UBE2D3: variants seen among roughly 807,000 people sequenced by gnomAD.
UBE2D3 encodes the protein ubiquitin conjugating enzyme E2 D3.
UBE2D3 carries 2 observed loss-of-function variants against 22.8 expected under a neutral mutation model. The ratio of observed to expected loss-of-function variants is 0.09; its 90% CI spans 0.04 to 0.28. The LOEUF is 0.28. Among genes scored for constraint, UBE2D3 ranks in the 10% least tolerant of loss-of-function variants. The probability of loss-of-function intolerance (pLI) is 1.00; values close to 1 mark genes in which losing one functional copy is unlikely to be tolerated. For missense variants in UBE2D3, 27 were observed against 182.5 expected, an observed-to-expected ratio of 0.15 and a Z score of 4.91; for synonymous variants, 56 against 60.4, an observed-to-expected ratio of 0.93 and a Z score of 0.34.
intron 1 of UBE2D3, among the ~76,000 whole-genome samples, chr4:102,857,478 T>C (rs1011676671): frequency 6.6e-6 from 1 of 151,966 alleles, no homozygotes; most frequent in African/African-American, 2.4e-5. Context: ...TAATCAAAAA[T>C]AGGAAAAAAC....
At chr4:102,816,366 A>T (rs1188999872) in intron 2 of UBE2D3, among the ~76,000 whole-genome samples, 1 of 152,238 alleles carries the variant, frequency 6.6e-6, no homozygotes, top group Admixed American at 6.5e-5. Flanking sequence ...GGCACGTGTC[A>T]TGGACTTACA....
At chr4:102,809,431 G>C in intron 4 of UBE2D3, 2 of 501,510 alleles carry the variant, frequency 4.0e-6, no homozygotes, top group Non-Finnish European at 7.3e-6. Context: ...GAGATACAGA[G>C]ATGTTTGGTA....
chr4:102,846,870 C>T (rs564598473), intron 1 of UBE2D3, among the ~76,000 whole-genome samples: 1 of 151,720 alleles, frequency 6.6e-6, no homozygotes, highest in South Asian at 2.1e-4. Flanking sequence ...TCTTGAACTC[C>T]TGGGCTCAAG....
chr4:102,798,880 TGCTGGCAGTACC>T (rs750797280), intron 7 of UBE2D3: 4 of 1,584,344 alleles, frequency 2.5e-6, no homozygotes, highest in Non-Finnish European at 3.5e-6. Flanking sequence ...AGCACTCAAG[TGCTGGCAGTACC>T]ATAATAAGCG....
chr4:102,822,289 T>C (rs1458452702), intron 2 of UBE2D3, among the ~76,000 whole-genome samples: 1 of 152,218 alleles, frequency 6.6e-6, no homozygotes, highest in Non-Finnish European at 1.5e-5. Context: ...CAGTCACAAC[T>C]ATCCTACACA....
chr4:102,835,974 A>G (rs986040996), intron 1 of UBE2D3, among the ~76,000 whole-genome samples: 1 of 152,182 alleles, frequency 6.6e-6, no homozygotes, highest in East Asian at 1.9e-4. Flanking sequence ...GTTGAATCAC[A>G]ATACAACTTC....
At chr4:102,850,871 G>A (rs1445408470) in intron 1 of UBE2D3, among the ~76,000 whole-genome samples, 1 of 151,862 alleles carries the variant, frequency 6.6e-6, no homozygotes, top group African/African-American at 2.4e-5. Context: ...TTATAAGTGG[G>A]AGCTAAGCTA....
chr4:102,838,645 A>G (rs934412398), intron 1 of UBE2D3, among the ~76,000 whole-genome samples: 1 of 152,114 alleles, frequency 6.6e-6, no homozygotes, highest in African/African-American at 2.4e-5. Context: ...CTTGGTGTTC[A>G]ATGTTTTCCT....
chr4:102,799,603 T>C (rs548141381), intron 6 of UBE2D3, 103 bp from the exon 7 acceptor site: 2 of 779,832 alleles, frequency 2.6e-6, no homozygotes, highest in Non-Finnish European at 4.1e-6. Flanking sequence ...AGACTTTTAT[T>C]AGTTTGTATC....
At chr4:102,851,158 C>T (rs1460166339) in intron 1 of UBE2D3, among the ~76,000 whole-genome samples, 1 of 152,212 alleles carries the variant, frequency 6.6e-6, no homozygotes, top group Admixed American at 6.5e-5. Context: ...ATCATGCCTA[C>T]TTTGTTCATG....
At chr4:102,868,635 A>C (rs1404154862) in intron 1 of UBE2D3, 11 of 1,603,528 alleles carry the variant, frequency 6.9e-6, no homozygotes, top group Non-Finnish European at 9.4e-6. Context: ...GCGAGTATGC[A>C]ACCCTAGGGC....
chr4:102,814,256 T>A (rs1040475589), intron 2 of UBE2D3, among the ~76,000 whole-genome samples: 2 of 151,660 alleles, frequency 1.3e-5, no homozygotes, highest in African/African-American at 4.9e-5. Flanking sequence ...AGAAGCTTTT[T>A]TTTTTTTGCA....
intron 1 of UBE2D3, among the ~76,000 whole-genome samples, chr4:102,867,748 G>C (rs1733216122): frequency 6.6e-6 from 1 of 152,050 alleles, no homozygotes; most frequent in South Asian, 2.1e-4. Flanking sequence ...GGTGAGCTAT[G>C]ATCTGACCAC....
Position 102,853,135 on chromosome 4 carries a change from A to ATTTTT in UBE2D3, c.-129+15575_-129+15579dup, listed in dbSNP as rs151339235. On this transcript the variant is annotated intron_variant, in intron 1 of 7. Coordinates refer to the UBE2D3 transcript ENST00000338145. The stretch of plus-strand genomic sequence containing the variant: ...GTCAAAATTACACACAAACACACAC[A>ATTTTT]TTTTTTTTTTTTTTTTTTTTTTTTT... 6.5e-4 allele frequency among the ~76,000 whole-genome samples: 58 copies of ATTTTT among 88,594 alleles called. 5 individuals are homozygous for ATTTTT. The highest frequency in any genetic ancestry group is 8.6e-4 in the Non-Finnish European group (41 of 47,828). The allele number at this position is 88,594 out of a possible 152,430, so 58.1% of individuals were successfully genotyped here. A position where few individuals can be genotyped will look rare whatever the true frequency, so the allele number is the denominator to read the frequency against.
intron 1 of UBE2D3, among the ~76,000 whole-genome samples, chr4:102,855,047 C>T (rs982868570): frequency 1.3e-5 from 2 of 152,158 alleles, no homozygotes; most frequent in Non-Finnish European, 2.9e-5. Flanking sequence ...GGGGCATTCA[C>T]CCCTCCACTC....
chr4:102,837,889 G>T (rs896921291), intron 1 of UBE2D3, among the ~76,000 whole-genome samples: 10 of 152,198 alleles, frequency 6.6e-5, no homozygotes, highest in African/African-American at 2.4e-4. Context: ...GGGAGGCGGA[G>T]CTTGCAGTGA....
chr4:102,804,051 G>C (rs781433798), intron 4 of UBE2D3, among the ~76,000 whole-genome samples: 7 of 151,958 alleles, frequency 4.6e-5, no homozygotes, highest in Non-Finnish European at 8.8e-5. Flanking sequence ...TTATAGGTGT[G>C]AGCTACTGTA....
intron 1 of UBE2D3, 83 bp from the exon 2 acceptor site, chr4:102,826,719 A>G: frequency 7.0e-7 from 1 of 1,426,114 alleles, no homozygotes; most frequent in Non-Finnish European, 9.1e-7. Flanking sequence ...GACAGCCGCG[A>G]TCCGGGGTGG....
upstream of UBE2D3, among the ~76,000 whole-genome samples, chr4:102,829,483 G>A (rs920247187): frequency 1.3e-5 from 2 of 152,138 alleles, no homozygotes; most frequent in Non-Finnish European, 2.9e-5. Flanking sequence ...TTCTAACCCC[G>A]TTTCTTCACC....
Sources: allele counts gnomAD v4.1 joint callset (sites outside exome capture counted in the v4.1 genomes callset), GRCh38; gene constraint gnomAD v4.1.1; transcripts MANE v1.5; gene names NCBI Gene and HGNC (gene_info 2026-07-23, HGNC 2026-07-21).